SCRN3: variants seen among roughly 807,000 people sequenced by gnomAD.
SCRN3 encodes the protein secernin 3.
In SCRN3, 39 loss-of-function variants were observed where a neutral mutation model predicts 43.1. The observed-to-expected ratio is 0.91, with a 90% CI of 0.70 to 1.18. The LOEUF is 1.18. SCRN3 is among the 50% of genes most tolerant of loss of function. The pLI, the probability that SCRN3 is intolerant of heterozygous loss-of-function variation, is 0.00. For synonymous variants in SCRN3, 147 were observed against 163.1 expected, an observed-to-expected ratio of 0.90 and a Z score of 0.75; for missense variants, 484 against 498.0, an observed-to-expected ratio of 0.97 and a Z score of 0.27.
intron 5 of SCRN3, among the ~76,000 whole-genome samples, chr2:174,411,111 T>C (rs1685902854): frequency 6.6e-6 from 1 of 152,142 alleles, no homozygotes; most frequent in Admixed American, 6.5e-5. Context: ...TGCCTGCTGC[T>C]CCAGGATGTG....
rs1199334148 is a variant in SCRN3 at position 174,423,027 on chromosome 2, A to G, written c.897A>G (p.Thr299=). Residue 299 remains threonine (T), a synonymous_variant, in exon 6 of 8, where the codon ACA becomes ACG. Transcript: ENST00000272732. Reference sequence around the variant, plus strand: ...GCCTTCCTTGCATTCACTTCTTTACAGGGACTCCTGATCCTGAGAGGTGAA... The same window carrying G: ...GCCTTCCTTGCATTCACTTCTTTACGGGGACTCCTGATCCTGAGAGGTGAA... ...DSSLPCIHFF[T]GTPDPERSVF... 1 of 1,613,110 alleles carries G rather than the reference A, an allele frequency of 6.2e-7. No individual in the cohort carries two copies. The highest frequency in any genetic ancestry group is 8.5e-7 in the Non-Finnish European group (1 of 1,179,392).
intron 1 of SCRN3, among the ~76,000 whole-genome samples, chr2:174,396,763 A>G (rs1685328899): frequency 6.6e-6 from 1 of 151,342 alleles, no homozygotes; most frequent in Admixed American, 6.6e-5. Context: ...GCTCCATTGC[A>G]CTCCAGCCCG....
intron 1 of SCRN3, chr2:174,397,460 TCTC>T (rs1685364402): frequency 1.3e-6 from 1 of 763,408 alleles, no homozygotes; most frequent in Non-Finnish European, 1.6e-6. Context: ...ATGTGAACTT[TCTC>T]CTAGAAATAT....
intron 5 of SCRN3, among the ~76,000 whole-genome samples, chr2:174,417,567 G>T (rs1383569224): frequency 1.3e-5 from 2 of 151,988 alleles, no homozygotes; most frequent in Non-Finnish European, 2.9e-5. Context: ...CTAATTTTTT[G>T]TATTTTTAGT....
chr2:174,397,085 A>C, intron 1 of SCRN3: 1 of 983,398 alleles, frequency 1.0e-6, no homozygotes, highest in Non-Finnish European at 1.2e-6. Context: ...TAAGAGTTGA[A>C]ATACAGAAAG....
intron 1 of SCRN3, among the ~76,000 whole-genome samples, chr2:174,396,796 C>A (rs1475051403): frequency 5.8e-5 from 8 of 137,406 alleles, no homozygotes; most frequent in Middle Eastern, 3.6e-3. Flanking sequence ...TAAACTCCAT[C>A]AAAAAAAAAA....
chr2:174,400,355 T>C (rs1375897), intron 3 of SCRN3, among the ~76,000 whole-genome samples: 29,601 of 152,094 alleles, frequency 0.19, 3,375 homozygotes, highest in Middle Eastern at 0.37. Flanking sequence ...GGTGTGATCA[T>C]GGCTCACTGT....
Position 174,395,761 on chromosome 2 carries a change from C to T in SCRN3, c.-66C>T. On this transcript the variant is annotated 5_prime_UTR_variant, in exon 1 of 8. Coordinates refer to ENST00000272732, the MANE Select transcript of SCRN3 (RefSeq NM_024583.5). ...GGTGACAGCTTCCGGCAACTGATGC[C>T]TCCACTGGCCACTCCTCCCTCCGTC... The T allele has an allele frequency of 6.3e-7, 1 of 1,583,134 alleles. No individual in the cohort carries two copies. Among genetic ancestry groups the T allele is most frequent in the East Asian group, 2.2e-5 (1 of 44,546 alleles).
In SCRN3 at chr2:174,405,631, T is replaced by C. The variant is rs536218719; in HGVS notation, c.754+1316T>C. On this transcript the variant is annotated intron_variant, in intron 5 of 7. Transcript: ENST00000272732. ...CTTTAATCCATCTTGAATTGATTTTTGTATAAGGTGTAAGGGAGGGATCCA... is the reference window on the plus strand; with the variant it reads ...CTTTAATCCATCTTGAATTGATTTTCGTATAAGGTGTAAGGGAGGGATCCA... Among the ~76,000 whole-genome samples, 424 of 143,132 alleles carry C rather than the reference T, an allele frequency of 3.0e-3. 7 individuals are homozygous for C. Among genetic ancestry groups the C allele is most frequent in the African/African-American group, 9.9e-3 (405 of 40,750 alleles). The allele number at this position is 143,132 out of a possible 152,430, so 93.9% of individuals were successfully genotyped here.
In SCRN3 at chr2:174,429,009, G is replaced by A. The variant is rs926673100; in HGVS notation, c.*1114G>A. ...AGAAGTGGGTCATTATATTCAAAGA[G>A]TGCTCAGGAAGTTATGTGTTCAAAG... On this transcript the variant is annotated 3_prime_UTR_variant, in exon 8 of 8. Transcript: ENST00000272732. 6.6e-6 allele frequency: 1 copy of A among 152,156 alleles called. No individual in the cohort carries two copies. Among genetic ancestry groups the A allele is most frequent in the African/African-American group, 2.4e-5 (1 of 41,432 alleles). 9.4% of individuals were successfully genotyped at this position (152,156 alleles called of 1,614,324 possible).
At chr2:174,405,864 T>C (rs1290688158) in intron 5 of SCRN3, among the ~76,000 whole-genome samples, 2 of 148,938 alleles carry the variant, frequency 1.3e-5, no homozygotes, top group East Asian at 4.0e-4. Context: ...ACTGTAGCCT[T>C]GTAGTATAGT....
At chr2:174,416,184 C>T (rs1686099978) in intron 5 of SCRN3, among the ~76,000 whole-genome samples, 1 of 152,094 alleles carries the variant, frequency 6.6e-6, no homozygotes, top group African/African-American at 2.4e-5. Flanking sequence ...AAATCCAGCC[C>T]CACTATCTGC....
chr2:174,425,205 T>G (rs778778093), intron 7 of SCRN3, among the ~76,000 whole-genome samples: 1 of 152,320 alleles, frequency 6.6e-6, no homozygotes, highest in East Asian at 1.9e-4. Context: ...TTTTAAAATG[T>G]AAGCATTATA....
In SCRN3 at chr2:174,400,033, G is replaced by A. The variant is rs1685453090; in HGVS notation, c.271G>A (p.Gly91Arg). 6 of 1,601,334 alleles carry A rather than the reference G, an allele frequency of 3.7e-6. No individual in the cohort carries two copies. The highest frequency in any genetic ancestry group is 5.1e-6 in the Non-Finnish European group (6 of 1,175,182). Residue 91 changes from glycine to arginine, a missense_variant, in exon 3 of 8, where the codon GGG becomes AGG. Transcript: ENST00000272732. Reference protein sequence around the residue: ...MGANEHGVCIGNEAVWGREEV... With the variant: ...MGANEHGVCIRNEAVWGREEV... ...AGCCAATGAGCATGGAGTTTGCATT[G>A]GGAATGAAGCTGTATGGGGAAGAGA...
chr2:174,423,122 G>A, intron 6 of SCRN3, 75 bp downstream of exon 6: 6 of 1,292,572 alleles, frequency 4.6e-6, no homozygotes, highest in Admixed American at 2.4e-5. Flanking sequence ...TAATAATTTT[G>A]TCAGGATAAA....
Position 174,404,224 on chromosome 2 carries a change from T to C in SCRN3, c.663T>C (p.Phe221=), listed in dbSNP as rs1213024945. ...GWWDGKKEFD[F]AAAYSYLDTA... Reference sequence around the variant, plus strand: ...GGGATGGTAAAAAGGAGTTTGATTTTGCTGCAGCATATTCCTATCTTGACA... The same window carrying C: ...GGGATGGTAAAAAGGAGTTTGATTTCGCTGCAGCATATTCCTATCTTGACA... The change falls in exon 5 of 8, where the codon TTT becomes TTC. Residue 221 remains phenylalanine (F), a synonymous_variant. Transcript: ENST00000272732. 8 of 1,613,830 alleles carry C rather than the reference T, an allele frequency of 5.0e-6. No individual in the cohort carries two copies. Among genetic ancestry groups the C allele is most frequent in the African/African-American group, 1.3e-5 (1 of 74,930 alleles).
At chr2:174,414,091 T>C (rs745997757) in intron 5 of SCRN3, among the ~76,000 whole-genome samples, 1 of 152,202 alleles carries the variant, frequency 6.6e-6, no homozygotes, top group Non-Finnish European at 1.5e-5. Context: ...GTTACTTCAT[T>C]TGTTAATTGT....
At chr2:174,401,523 A>G (rs1685508111) in intron 4 of SCRN3, among the ~76,000 whole-genome samples, 1 of 152,198 alleles carries the variant, frequency 6.6e-6, no homozygotes, top group Non-Finnish European at 1.5e-5. Context: ...CTGCACTCCA[A>G]AATCTTATGT....
At chr2:174,396,455 A>G (rs1235502364) in intron 1 of SCRN3, among the ~76,000 whole-genome samples, 1 of 152,150 alleles carries the variant, frequency 6.6e-6, no homozygotes, top group Non-Finnish European at 1.5e-5. Context: ...CGTGGCTGCT[A>G]CTGCAGCAGG....
Sources: gnomAD v4.1 joint callset for allele counts (sites outside exome capture counted in the v4.1 genomes callset) on GRCh38, gnomAD v4.1.1 for gene constraint, MANE v1.5 for transcripts, NCBI Gene and HGNC (gene_info 2026-07-23, HGNC 2026-07-21) for gene names.